Variants in CD247 observed in about 807,000 individuals in gnomAD.
The protein encoded by CD247 is T-cell surface glycoprotein CD3 zeta chain.
Under a neutral mutation model 30.0 loss-of-function variants are expected in CD247, and 13 were observed. The ratio of observed to expected loss-of-function variants is 0.43; its 90% CI spans 0.28 to 0.69. The LOEUF (loss-of-function observed/expected upper bound fraction) is 0.69, where lower values mean the gene tolerates loss of function less well. Ranked by LOEUF, CD247 falls within the 30% of genes least tolerant of loss-of-function variation. The pLI, the probability that CD247 is intolerant of heterozygous loss-of-function variation, is 0.16. For synonymous variants in CD247, 72 were observed against 80.0 expected, an observed-to-expected ratio of 0.90 and a Z score of 0.53; for missense variants, 193 against 212.6, an observed-to-expected ratio of 0.91 and a Z score of 0.57.
intron 3 of CD247, 43 bp downstream of exon 3, chr1:167,439,301 G>A (rs761550761): frequency 1.3e-6 from 2 of 1,579,400 alleles, no homozygotes; most frequent in South Asian, 1.1e-5. Context: ...CGAGGAGGAG[G>A]CTGCCCTTCC....
At chr1:167,509,029 A>C (rs953850056) in intron 1 of CD247, among the ~76,000 whole-genome samples, 1 of 152,146 alleles carries the variant, frequency 6.6e-6, no homozygotes, top group Non-Finnish European at 1.5e-5. Context: ...TATTTACTCA[A>C]TTGGTAAGTC....
rs113232706 is a variant in CD247 at position 167,438,506 on chromosome 1, C to T, written c.300+64G>A. ...GCAGAGTGAGCTGAGGAGCCCTCCC[C>T]CACAGCCTGGGCTGAGCCCCACCAC... On this transcript the variant is annotated intron_variant, in intron 4 of 7. Transcript: ENST00000362089. 3.0e-6 allele frequency: 4 copies of T among 1,329,920 alleles called. 1 individual carries two copies. Among genetic ancestry groups the T allele is most frequent in the African/African-American group, 2.9e-5 (2 of 69,212 alleles). 82.4% of individuals were successfully genotyped at this position (1,329,920 alleles called of 1,614,324 possible).
At chr1:167,442,059 C>T (rs1277702985) in intron 1 of CD247, among the ~76,000 whole-genome samples, 4 of 152,186 alleles carry the variant, frequency 2.6e-5, no homozygotes, top group Middle Eastern at 3.4e-3. Flanking sequence ...TGCAGTGAGC[C>T]GAGATCACGC....
intron 1 of CD247, among the ~76,000 whole-genome samples, chr1:167,472,601 TGAGG>T (rs750196861): frequency 6.6e-6 from 1 of 151,766 alleles, no homozygotes; most frequent in Non-Finnish European, 1.5e-5. Flanking sequence ...CATAGCTGGG[TGAGG>T]GAGGGTATTG....
chr1:167,430,748 C>T lies in CD247; in HGVS notation c.*933G>A, dbSNP rs1651218043. Reference sequence around the variant, plus strand: ...AGTAGAGAGCGTTTTCCATCCATGGCCTGTGCCCTGTAATGACGCAGCAGT... The same window carrying T: ...AGTAGAGAGCGTTTTCCATCCATGGTCTGTGCCCTGTAATGACGCAGCAGT... On this transcript the variant is annotated 3_prime_UTR_variant, in exon 8 of 8. Transcript: ENST00000362089. 2 of 398,716 alleles carry T rather than the reference C, an allele frequency of 5.0e-6. No individual in the cohort carries two copies. The highest frequency in any genetic ancestry group is 8.8e-6 in the Non-Finnish European group (2 of 226,092). The allele number at this position is 398,716 out of a possible 1,614,324, so 24.7% of individuals were successfully genotyped here. A position where few individuals can be genotyped will look rare whatever the true frequency, so the allele number is the denominator to read the frequency against.
intron 1 of CD247, among the ~76,000 whole-genome samples, chr1:167,471,133 A>T (rs1653505523): frequency 6.6e-6 from 1 of 152,110 alleles, no homozygotes; most frequent in Non-Finnish European, 1.5e-5. Flanking sequence ...GGCTTCCCAA[A>T]GTGCTGGGAT....
chr1:167,493,238 T>C (rs1654532283), intron 1 of CD247, among the ~76,000 whole-genome samples: 1 of 151,946 alleles, frequency 6.6e-6, no homozygotes, highest in East Asian at 1.9e-4. Flanking sequence ...AGACAGGGCT[T>C]CACCATATTA....
intron 1 of CD247, among the ~76,000 whole-genome samples, chr1:167,507,865 T>A (rs1346413554): frequency 1.3e-5 from 2 of 151,686 alleles, no homozygotes; most frequent in African/African-American, 4.8e-5. Flanking sequence ...AATAGCAAAT[T>A]CTCTCTATCT....
intron 1 of CD247, among the ~76,000 whole-genome samples, chr1:167,471,647 C>A (rs751376757): frequency 3.3e-5 from 5 of 152,024 alleles, no homozygotes; most frequent in African/African-American, 4.8e-5. Context: ...CTGTCTCTCA[C>A]GCTGGAGTCC....
At chr1:167,493,706 A>G (rs1191598566) in intron 1 of CD247, among the ~76,000 whole-genome samples, 1 of 152,196 alleles carries the variant, frequency 6.6e-6, no homozygotes, top group Non-Finnish European at 1.5e-5. Flanking sequence ...CAAATCCTCC[A>G]TAATGTACAG....
intron 1 of CD247, among the ~76,000 whole-genome samples, chr1:167,472,947 GT>G (rs1432561354): frequency 6.6e-6 from 1 of 152,150 alleles, no homozygotes; most frequent in Non-Finnish European, 1.5e-5. Flanking sequence ...TTGCTAGTGT[GT>G]GGAATTCCTT....
rs75532935 is a variant in CD247 at position 167,434,081 on chromosome 1, A to G, written c.337-5T>C. On this transcript the variant is annotated splice_polypyrimidine_tract_variant and splice_region_variant and intron_variant, in intron 5 of 7. Coordinates refer to ENST00000362089, the MANE Select transcript of CD247 (RefSeq NM_198053.3). ...CATCTTATCTTTCTGCAGTTCCTGC[A>G]GAAGAGGGCGTGGAACACTGATTTT... 6.2e-7 allele frequency: 1 copy of G among 1,613,772 alleles called. No homozygotes were observed. Among genetic ancestry groups the G allele is most frequent in the African/African-American group, 1.3e-5 (1 of 75,070 alleles).
At position 167,467,959 on chromosome 1, in the gene CD247, C is replaced by T. The variant is rs1653335155; in HGVS notation, c.59-27192G>A. On this transcript the variant is annotated intron_variant, in intron 1 of 7. Transcript: ENST00000362089. ...ATAATTGACTTTTAAATCATTTAGG[C>T]GCAAAAGCAAATAATAATAGCTTCA... is the stretch of plus-strand genomic sequence containing the variant. Among the ~76,000 whole-genome samples, 4 of 152,130 alleles carry T rather than the reference C, an allele frequency of 2.6e-5. No homozygotes were observed. The South Asian group carries it at 6.2e-4, about 24-fold the overall frequency.
intron 1 of CD247, among the ~76,000 whole-genome samples, chr1:167,515,182 A>C (rs1383343779): frequency 2.0e-5 from 3 of 152,194 alleles, no homozygotes; most frequent in African/African-American, 7.2e-5. Context: ...TTGATGAAAA[A>C]TTTGTACTGG....
intron 1 of CD247, among the ~76,000 whole-genome samples, chr1:167,500,144 T>C (rs1164039465): frequency 2.6e-5 from 4 of 152,226 alleles, no homozygotes; most frequent in Non-Finnish European, 5.9e-5. Flanking sequence ...CCAACTTATT[T>C]TACTCATGAC....
chr1:167,492,813 C>T (rs1275977705), intron 1 of CD247, among the ~76,000 whole-genome samples: 1 of 152,152 alleles, frequency 6.6e-6, no homozygotes, highest in Non-Finnish European at 1.5e-5. Context: ...CAGAAGGTGT[C>T]AGCCTGGAGG....
At chr1:167,500,650 T>C (rs1654861304) in intron 1 of CD247, among the ~76,000 whole-genome samples, 1 of 152,196 alleles carries the variant, frequency 6.6e-6, no homozygotes, top group Non-Finnish European at 1.5e-5. Context: ...GAGCTACGTA[T>C]TGTGATGTGC....
intron 1 of CD247, among the ~76,000 whole-genome samples, chr1:167,455,250 C>A (rs905686117): frequency 6.6e-6 from 1 of 152,242 alleles, no homozygotes; most frequent in African/African-American, 2.4e-5. Context: ...TGCTAAGCCG[C>A]GCTCACGCCG....
chr1:167,469,085 T>A (rs1653392173), intron 1 of CD247, among the ~76,000 whole-genome samples: 1 of 152,112 alleles, frequency 6.6e-6, no homozygotes, highest in Non-Finnish European at 1.5e-5. Context: ...TGGGTTCAAG[T>A]GATTCTCATG....
Sources: allele counts gnomAD v4.1 joint callset (sites outside exome capture counted in the v4.1 genomes callset), GRCh38; gene constraint gnomAD v4.1.1; transcripts MANE v1.5; gene names NCBI Gene and HGNC (gene_info 2026-07-23, HGNC 2026-07-21).